MAPK6: variants seen among roughly 807,000 people sequenced by gnomAD.
MAPK6 encodes ERK-3.
MAPK6 carries 19 observed loss-of-function variants against 59.3 expected under a neutral mutation model. The ratio of observed to expected loss-of-function variants is 0.32; its 90% confidence interval spans 0.22 to 0.47. The LOEUF is 0.47. MAPK6 is among the 20% of genes least tolerant of loss of function. The pLI is 1.00. For synonymous variants in MAPK6, 316 were observed against 290.3 expected, an observed-to-expected ratio of 1.09 and a Z score of -0.90; for missense variants, 724 against 847.9, an observed-to-expected ratio of 0.85 and a Z score of 1.81.
At position 52,064,160 on chromosome 15, in the gene MAPK6, T is replaced by C. The variant is rs2032316901; in HGVS notation, c.1326T>C (p.His442=). 6.2e-7 allele frequency: 1 copy of C among 1,613,318 alleles called. No homozygotes were observed. ...ENKYCDLECS[H]TCNYKTRSSS... ...AATATTGTGATCTGGAGTGTAGCCA[T>C]ACTTGTAACTACAAAACGAGGTCAT... Residue 442 remains histidine (H), a synonymous_variant, in exon 6 of 6, where the codon CAT becomes CAC. Transcript: ENST00000261845.
At chr15:52,016,049 CCATCGCGCGCGCGCGCGCGCGCACACACA>C (rs1272763126), upstream of MAPK6, among the ~76,000 whole-genome samples, 1 of 112,672 alleles carries the variant, frequency 8.9e-6, no homozygotes, top group African/African-American at 3.5e-5. Flanking sequence ...GAGCCAAACT[CCATCGCGCGCGCGCGCGCGCGCACACACA>C]CACACACACA....
Position 52,063,909 on chromosome 15 carries a change from G to C in MAPK6, c.1075G>C (p.Asp359His). Residue 359 changes from aspartate (D) to histidine (H), a missense_variant, in exon 6 of 6, where the codon GAT becomes CAT. By Grantham distance (81) the Asp-to-His change is moderately conservative. Coordinates refer to ENST00000261845, the MANE Select transcript of MAPK6 (RefSeq NM_002748.4). ...SHIYNWERYH[D>H]CQFSEHDWPV... ...TGTATTGATTTTTTTCAGGTATCAT[G>C]ATTGTCAGTTTTCAGAGCATGATTG... The C allele has an allele frequency of 6.5e-7, 1 of 1,537,490 alleles. No homozygotes were observed. The highest frequency in any genetic ancestry group is 8.7e-7 in the Non-Finnish European group (1 of 1,143,674).
chr15:51,984,321 G>T (rs1363637306), intron 2 of MAPK6, among the ~76,000 whole-genome samples: 1 of 151,862 alleles, frequency 6.6e-6, no homozygotes, highest in South Asian at 2.1e-4. Context: ...TCGCTCTGTC[G>T]CCCAGGCTGG....
chr15:52,058,811 A>G lies in MAPK6; in HGVS notation c.865+14A>G, dbSNP rs766021795. The G allele has an allele frequency of 5.6e-6, 9 of 1,600,598 alleles. No individual in the cohort carries two copies. The African/African-American group carries it at 8.0e-5, about 14-fold the overall frequency. On this transcript the variant is annotated intron_variant, in intron 4 of 5. Transcript: ENST00000261845. ...TTAGTCGAGAAGGTATTGTGACTCG[A>G]GAGTAACCCTCACGTTAATGCCTGT...
chr15:52,034,793 G>A (rs2031182760), intron 1 of MAPK6, among the ~76,000 whole-genome samples: 3 of 152,144 alleles, frequency 2.0e-5, no homozygotes, highest in Admixed American at 2.0e-4. Context: ...CTCCTCCCGG[G>A]TTCAAGTGAT....
At chr15:52,058,583 A>C in intron 3 of MAPK6, 50 bp from the exon 4 acceptor site, 1 of 1,452,176 alleles carries the variant, frequency 6.9e-7, no homozygotes, top group Non-Finnish European at 9.3e-7. Flanking sequence ...TTTATTGTGA[A>C]ATAAGTAAAC....
At chr15:52,058,562 AG>A in intron 3 of MAPK6, 70 bp from the exon 4 acceptor site, 2 of 1,268,032 alleles carry the variant, frequency 1.6e-6, no homozygotes, top group South Asian at 1.7e-5. Context: ...TATTTAAATT[AG>A]TTTAGTATGT....
intron 1 of MAPK6, among the ~76,000 whole-genome samples, chr15:52,036,720 T>C (rs2031252771): frequency 6.6e-6 from 1 of 152,210 alleles, no homozygotes; most frequent in South Asian, 2.1e-4. Context: ...ATGGATCTGA[T>C]AGCAAACCAA....
chr15:52,042,166 C>T (rs1289644976), intron 1 of MAPK6, among the ~76,000 whole-genome samples: 1 of 152,186 alleles, frequency 6.6e-6, no homozygotes, highest in Non-Finnish European at 1.5e-5. Flanking sequence ...ACTCTAGCAG[C>T]ATTTGGTCTA....
chr15:51,978,999 T>C (rs2057165125), intron 1 of MAPK6, among the ~76,000 whole-genome samples: 1 of 150,930 alleles, frequency 6.6e-6, no homozygotes, highest in African/African-American at 2.4e-5. Flanking sequence ...TAGTCCCAGC[T>C]ACTTGGGAGG....
chr15:51,987,538 G>T (rs546274058), intron 2 of MAPK6, among the ~76,000 whole-genome samples: 1 of 151,668 alleles, frequency 6.6e-6, no homozygotes, highest in African/African-American at 2.4e-5. Context: ...CTAGTGTGGG[G>T]TCGGTGGGGA....
chr15:52,050,147 T>C lies in MAPK6; in HGVS notation c.700+10T>C. On this transcript the variant is annotated intron_variant, in intron 3 of 5. Transcript: ENST00000261845. ...AAAACCCTTTTTGCAGGTTAGTATT[T>C]TGTGGGGGGAAAAATTTTCCCAAAG... 1 of 1,589,586 alleles carries C rather than the reference T, an allele frequency of 6.3e-7. No individual in the cohort carries two copies. Among genetic ancestry groups the C allele is most frequent in the Non-Finnish European group, 8.5e-7 (1 of 1,174,776 alleles).
At position 52,052,517 on chromosome 15, in the gene MAPK6, T is replaced by C. The variant is rs186351186; in HGVS notation, c.700+2380T>C. On this transcript the variant is annotated intron_variant, in intron 3 of 5. Coordinates refer to ENST00000261845, the MANE Select transcript of MAPK6 (RefSeq NM_002748.4). The stretch of plus-strand genomic sequence containing the variant: ...TTACCACAATCTAATTTTGGAACAC[T>C]GTCTTGGCTCCTGAAAGATCCTGCA... Among the ~76,000 whole-genome samples, 52 of 152,340 alleles carry C rather than the reference T, an allele frequency of 3.4e-4. No individual in the cohort carries two copies. The East Asian group carries it at 9.6e-3, about 28-fold the overall frequency.
At chr15:51,993,874 C>T (rs1025703713) in intron 2 of MAPK6, among the ~76,000 whole-genome samples, 3 of 149,982 alleles carry the variant, frequency 2.0e-5, no homozygotes, top group Non-Finnish European at 4.4e-5. Context: ...ACTGAAGAAT[C>T]CTCTGCCTCT....
chr15:52,017,222 A>T (rs1301128082), upstream of MAPK6: 1 of 152,326 alleles, frequency 6.6e-6, no homozygotes, highest in Non-Finnish European at 1.5e-5. Context: ...GCTGAGTCTG[A>T]AAAAGGAGTC....
intron 1 of MAPK6, among the ~76,000 whole-genome samples, chr15:52,038,375 G>C (rs1005017720): frequency 2.0e-5 from 3 of 152,198 alleles, no homozygotes; most frequent in Non-Finnish European, 2.9e-5. Flanking sequence ...GTATACGTAT[G>C]ACCATGTGAC....
chr15:51,987,646 A>T (rs2057194871), intron 2 of MAPK6, among the ~76,000 whole-genome samples: 1 of 152,006 alleles, frequency 6.6e-6, no homozygotes, highest in African/African-American at 2.4e-5. Flanking sequence ...CATACTCAGT[A>T]AAACCAACCC....
intron 2 of MAPK6, among the ~76,000 whole-genome samples, chr15:51,999,826 T>C (rs974393255): frequency 2.6e-5 from 4 of 152,116 alleles, no homozygotes; most frequent in African/African-American, 9.7e-5. Flanking sequence ...GTATTTTCTG[T>C]AGAGACAGGG....
At position 51,997,788 on chromosome 15, in the gene MAPK6, C is replaced by T. The variant is rs557891424; in HGVS notation, c.-769-6477C>T. Among the ~76,000 whole-genome samples the T allele has an allele frequency of 3.8e-4, 57 of 151,662 alleles. No homozygotes were observed. In the Middle Eastern group the frequency reaches 0.01, roughly 28 times the overall value. ...TGTATTTTTAGTAGAGACAGGGTTTCGCCATGTTGCCTAGGCTGGTCTCAA... is the reference window on the plus strand; with the variant it reads ...TGTATTTTTAGTAGAGACAGGGTTTTGCCATGTTGCCTAGGCTGGTCTCAA... On this transcript the variant is annotated intron_variant, in intron 2 of 7. Transcript: ENST00000691380.
Sources: allele counts gnomAD v4.1 joint callset (sites outside exome capture counted in the v4.1 genomes callset), GRCh38; gene constraint gnomAD v4.1.1; transcripts MANE v1.5; gene names NCBI Gene and HGNC (gene_info 2026-07-23, HGNC 2026-07-21).